The following TRPC3 variants were observed in gnomAD, a reference collection of about 807,000 sequenced individuals.
TRPC3 encodes short transient receptor potential channel 3.
TRPC3 carries 54 observed loss-of-function variants against 90.9 expected under a neutral mutation model. That is an observed-to-expected ratio of 0.59 (90% CI 0.48 to 0.75). The LOEUF is 0.75. TRPC3 is among the 30% of genes least tolerant of loss of function. TRPC3 has a pLI of 0.00. For missense variants in TRPC3, 918 were observed against 1,194.5 expected, an observed-to-expected ratio of 0.77 and a Z score of 3.41; for synonymous variants, 424 against 450.9, an observed-to-expected ratio of 0.94 and a Z score of 0.75.
In TRPC3 at chr4:121,896,029, A is replaced by G. The variant is rs531502646; in HGVS notation, c.2547+3583T>C. Among the ~76,000 whole-genome samples, 16 of 152,294 alleles carry G rather than the reference A, an allele frequency of 1.1e-4. No individual in the cohort carries two copies. In the South Asian group the frequency reaches 3.3e-3, roughly 32 times the overall value. ...AAGGATGTTTCAACATACAAAAATC[A>G]ATAAACATCATACATCACATCAACA... On this transcript the variant is annotated intron_variant, in intron 10 of 11. Coordinates refer to ENST00000379645, the MANE Select transcript of TRPC3 (RefSeq NM_001130698.2).
chr4:121,922,388 T>C (rs1729552901), intron 3 of TRPC3, among the ~76,000 whole-genome samples: 1 of 152,204 alleles, frequency 6.6e-6, no homozygotes, highest in Non-Finnish European at 1.5e-5. Context: ...AGATTCCAAA[T>C]CAAAGACTCT....
At chr4:121,899,825 C>T in intron 9 of TRPC3, 130 bp from the exon 10 acceptor site, 1 of 691,864 alleles carries the variant, frequency 1.4e-6, no homozygotes, top group East Asian at 2.7e-5. Flanking sequence ...GGAAGTTGAG[C>T]TTTGTAAGTG....
rs554559020 is a variant in TRPC3, at chr4:121,875,381, T to C, written c.*4355A>G. 3.9e-5 allele frequency among the ~76,000 whole-genome samples: 6 copies of C among 152,376 alleles called. No individual in the cohort carries two copies. The highest frequency in any genetic ancestry group is 1.4e-4 in the African/African-American group (6 of 41,598). ...AATTTATTATTTTTAAAGTACATAC[T>C]ATGTTTTGTTTCTAAATGATTAGTA... On this transcript the variant is annotated 3_prime_UTR_variant, in exon 12 of 12. Transcript: ENST00000379645.
At chr4:121,945,011 G>T (rs990655984) in intron 1 of TRPC3, among the ~76,000 whole-genome samples, 1 of 152,190 alleles carries the variant, frequency 6.6e-6, no homozygotes, top group Admixed American at 6.5e-5. Flanking sequence ...ATAAGAGACT[G>T]GACTAGATGA....
chr4:121,894,043 A>C (rs1409008705), intron 10 of TRPC3, among the ~76,000 whole-genome samples: 1 of 152,146 alleles, frequency 6.6e-6, no homozygotes, highest in African/African-American at 2.4e-5. Context: ...AAAAAATTAA[A>C]ATTCAAATAT....
Position 121,951,787 on chromosome 4 carries a change from G to C in TRPC3, c.-107C>G. ...CCCTTCACCACCTCCCGCGGCTTCC[G>C]GGGCCCCGGGCGGCCCAGGGCGGGA... On this transcript the variant is annotated 5_prime_UTR_variant, in exon 1 of 12. Transcript: ENST00000379645. The surrounding 1 kb of genome is among the most constrained non-coding windows in gnomAD (Gnocchi z 4.4). 1.0e-6 allele frequency: 1 copy of C among 972,352 alleles called. No individual in the cohort carries two copies. The highest frequency in any genetic ancestry group is 1.4e-6 in the Non-Finnish European group (1 of 734,166). 60.2% of individuals were successfully genotyped at this position (972,352 alleles called of 1,614,324 possible). A position where few individuals can be genotyped will look rare whatever the true frequency, so the allele number is the denominator to read the frequency against.
At chr4:121,895,818 A>T (rs1728499569) in intron 10 of TRPC3, among the ~76,000 whole-genome samples, 1 of 152,158 alleles carries the variant, frequency 6.6e-6, no homozygotes, top group Non-Finnish European at 1.5e-5. Context: ...ATTAAAGCAG[A>T]AGGAATTCTT....
intron 7 of TRPC3, 92 bp from the exon 8 acceptor site, chr4:121,904,609 TACAG>T: frequency 2.3e-6 from 2 of 872,018 alleles, no homozygotes; most frequent in South Asian, 5.1e-5. Flanking sequence ...TTAACTACTG[TACAG>T]ATGTAAAATG....
At chr4:121,928,566 C>A (rs1027450362) in intron 2 of TRPC3, among the ~76,000 whole-genome samples, 2 of 152,154 alleles carry the variant, frequency 1.3e-5, no homozygotes, top group Admixed American at 1.3e-4. Flanking sequence ...CAGATCAGAC[C>A]ATTTGTCTGG....
rs542961276 is a variant in TRPC3 at position 121,911,745 on chromosome 4, A to T, written c.1558+132T>A. The T allele has an allele frequency of 2.2e-5, 21 of 939,850 alleles. No homozygotes were observed. The South Asian group carries it at 4.0e-4, about 18-fold the overall frequency. 58.2% of individuals were successfully genotyped at this position (939,850 alleles called of 1,614,324 possible). A position where few individuals can be genotyped will look rare whatever the true frequency, so the allele number is the denominator to read the frequency against. On this transcript the variant is annotated intron_variant, in intron 5 of 11. Transcript: ENST00000379645. ...TAGAAAATTATTTGGTTATTTTGCT[A>T]TTTAGCTTATCTTGCAACAGTGATG...
intron 1 of TRPC3, among the ~76,000 whole-genome samples, chr4:121,943,022 T>C (rs985657688): frequency 2.0e-5 from 3 of 152,238 alleles, no homozygotes; most frequent in African/African-American, 7.2e-5. Context: ...TTCATGCCTA[T>C]CTCCCCAATG....
intron 3 of TRPC3, among the ~76,000 whole-genome samples, chr4:121,916,807 G>T (rs765048091): frequency 6.6e-6 from 1 of 151,844 alleles, no homozygotes; most frequent in East Asian, 1.9e-4. Flanking sequence ...TCCACCTCCC[G>T]GGTTCAAGTG....
At chr4:121,897,453 C>CA (rs70950860) in intron 10 of TRPC3, among the ~76,000 whole-genome samples, 10 of 43,434 alleles carry the variant, frequency 2.3e-4, no homozygotes, top group African/African-American at 6.3e-4. Flanking sequence ...ATCTCAACAG[C>CA]AAAAAAAAAA....
intron 10 of TRPC3, among the ~76,000 whole-genome samples, chr4:121,897,006 G>A (rs1728536660): frequency 6.6e-6 from 1 of 151,968 alleles, no homozygotes; most frequent in African/African-American, 2.4e-5. Flanking sequence ...AACCAACTGA[G>A]TTTTTACAAA....
At chr4:121,948,253 C>A (rs1302873193) in intron 1 of TRPC3, among the ~76,000 whole-genome samples, 1 of 151,878 alleles carries the variant, frequency 6.6e-6, no homozygotes. Flanking sequence ...TCAACAATGG[C>A]ATCAACCATG....
At chr4:121,904,946 C>T (rs1578618026) in intron 7 of TRPC3, among the ~76,000 whole-genome samples, 1 of 152,100 alleles carries the variant, frequency 6.6e-6, no homozygotes, top group Admixed American at 6.6e-5. Flanking sequence ...AAACATATTC[C>T]TTGCAGCATC....
chr4:121,882,212 C>G, intron 11 of TRPC3, 142 bp downstream of exon 11: 1 of 632,540 alleles, frequency 1.6e-6, no homozygotes, highest in Non-Finnish European at 2.6e-6. Context: ...GTTTTAGAAA[C>G]GTAACATAAG....
intron 3 of TRPC3, among the ~76,000 whole-genome samples, chr4:121,924,336 A>G (rs972590002): frequency 4.6e-5 from 7 of 152,214 alleles, no homozygotes; most frequent in Admixed American, 3.9e-4. Context: ...GCTTTTGCAT[A>G]TCTTAACTCA....
At chr4:121,900,433 C>A (rs1728662846) in intron 9 of TRPC3, among the ~76,000 whole-genome samples, 1 of 152,214 alleles carries the variant, frequency 6.6e-6, no homozygotes, top group South Asian at 2.1e-4. Flanking sequence ...CACCACCTAA[C>A]TTCCCACCAT....
Sources: allele counts gnomAD v4.1 joint callset (sites outside exome capture counted in the v4.1 genomes callset), GRCh38; gene constraint gnomAD v4.1.1; non-coding constraint Gnocchi (gnomAD v3.1); transcripts MANE v1.5; gene names NCBI Gene and HGNC (gene_info 2026-07-23, HGNC 2026-07-21).